The following FCHSD2 variants were observed in gnomAD, a reference collection of about 807,000 sequenced individuals.
The protein encoded by FCHSD2 is FCH and double SH3 domains 2.
In FCHSD2, 38 loss-of-function variants were observed where a neutral mutation model predicts 108.1. The ratio of observed to expected loss-of-function variants is 0.35; its 90% CI spans 0.27 to 0.46. The LOEUF (loss-of-function observed/expected upper bound fraction) is 0.46. Among genes scored for constraint, FCHSD2 ranks in the 20% least tolerant of loss-of-function variants. The pLI is 1.00. For missense variants in FCHSD2, 751 were observed against 897.8 expected, an observed-to-expected ratio of 0.84 and a Z score of 2.09; for synonymous variants, 279 against 314.7, an observed-to-expected ratio of 0.89 and a Z score of 1.20.
intron 4 of FCHSD2, among the ~76,000 whole-genome samples, chr11:73,013,220 C>T (rs1857898712): frequency 6.6e-6 from 1 of 152,166 alleles, no homozygotes; most frequent in Non-Finnish European, 1.5e-5. Context: ...TCACAGCAAC[C>T]CTACTGAACT....
chr11:72,980,296 T>C lies in FCHSD2; in HGVS notation c.705+3792A>G, dbSNP rs593301. ...TAGGCCATCTAAGCAGTGTTGAAAC[T>C]GCTGCACTGGTTTCTCTATTAATTT... On this transcript the variant is annotated intron_variant, in intron 8 of 19. Coordinates refer to ENST00000409418, the MANE Select transcript of FCHSD2 (RefSeq NM_014824.3). Among the ~76,000 whole-genome samples the C allele has an allele frequency of 3.1e-3, 477 of 152,308 alleles. 1 individual carries two copies. The highest frequency in any genetic ancestry group is 0.011 in the African/African-American group (456 of 41,564).
chr11:73,021,436 C>A (rs1858102354), intron 3 of FCHSD2, among the ~76,000 whole-genome samples: 2 of 152,052 alleles, frequency 1.3e-5, no homozygotes, highest in Admixed American at 6.6e-5. Context: ...AGGCTATTAA[C>A]CTTAGCAAAC....
chr11:73,056,532 T>G (rs1250195362), intron 3 of FCHSD2, among the ~76,000 whole-genome samples: 1 of 152,220 alleles, frequency 6.6e-6, no homozygotes, highest in African/African-American at 2.4e-5. Flanking sequence ...TGAATCAATT[T>G]AATCTTTCAA....
intron 3 of FCHSD2, among the ~76,000 whole-genome samples, chr11:73,024,226 T>C (rs1458313887): frequency 1.3e-5 from 2 of 152,166 alleles, no homozygotes; most frequent in Non-Finnish European, 2.9e-5. Flanking sequence ...ACAAATCCAA[T>C]TGTATTACAA....
chr11:73,072,920 A>T (rs1859468753), intron 3 of FCHSD2, among the ~76,000 whole-genome samples: 1 of 152,202 alleles, frequency 6.6e-6, no homozygotes, highest in Non-Finnish European at 1.5e-5. Context: ...TTTTAGGTGC[A>T]ACAGTATAAA....
chr11:73,094,889 C>T (rs983060716), intron 2 of FCHSD2, among the ~76,000 whole-genome samples: 2 of 152,022 alleles, frequency 1.3e-5, no homozygotes, highest in East Asian at 1.9e-4. Flanking sequence ...GCAAGCGGAA[C>T]GAACAACTGA....
At chr11:73,001,170 G>C in intron 4 of FCHSD2, 36 bp from the exon 5 acceptor site, 1 of 1,600,640 alleles carries the variant, frequency 6.2e-7, no homozygotes, top group Non-Finnish European at 8.5e-7. Context: ...CATTAGGCAG[G>C]GAACAGGAAG....
At chr11:72,954,128 T>C (rs1856667031) in intron 8 of FCHSD2, among the ~76,000 whole-genome samples, 1 of 151,906 alleles carries the variant, frequency 6.6e-6, no homozygotes, top group South Asian at 2.1e-4. Context: ...TAGAAGAATC[T>C]TGCTAAAGTA....
intron 4 of FCHSD2, among the ~76,000 whole-genome samples, chr11:73,006,450 A>G (rs938429130): frequency 2.0e-5 from 3 of 152,186 alleles, no homozygotes; most frequent in Admixed American, 6.5e-5. Context: ...TCATTTGTCT[A>G]TCATATCTGC....
chr11:72,865,266 C>T (rs949398361), intron 13 of FCHSD2, among the ~76,000 whole-genome samples: 18 of 152,112 alleles, frequency 1.2e-4, no homozygotes, highest in Admixed American at 6.5e-4. Flanking sequence ...AGATACAACC[C>T]CCTCTAAATA....
intron 2 of FCHSD2, among the ~76,000 whole-genome samples, chr11:73,114,412 T>C (rs890753338): frequency 2.6e-5 from 4 of 152,074 alleles, no homozygotes; most frequent in Non-Finnish European, 4.4e-5. Flanking sequence ...AAGAGCCTGC[T>C]TGGTGCTCTA....
chr11:73,134,682 T>C (rs1459138170), intron 2 of FCHSD2, among the ~76,000 whole-genome samples: 1 of 152,248 alleles, frequency 6.6e-6, no homozygotes, highest in African/African-American at 2.4e-5. Flanking sequence ...ATATTCAGCC[T>C]TCTCTGGGAT....
intron 10 of FCHSD2, among the ~76,000 whole-genome samples, chr11:72,890,814 GCTATTAAACACAAAA>G (rs1855298609): frequency 6.6e-6 from 1 of 151,800 alleles, no homozygotes; most frequent in African/African-American, 2.4e-5. Flanking sequence ...CAGAATCAGA[GCTATTAAACACAAAA>G]CTATTTTAAT....
chr11:73,027,211 A>C (rs989195045), intron 3 of FCHSD2, among the ~76,000 whole-genome samples: 2 of 152,138 alleles, frequency 1.3e-5, no homozygotes, highest in African/African-American at 4.8e-5. Context: ...TTTGACCAAA[A>C]CCATTGATCA....
intron 19 of FCHSD2, among the ~76,000 whole-genome samples, chr11:72,839,482 G>T (rs1034606217): frequency 2.0e-5 from 3 of 152,198 alleles, no homozygotes; most frequent in Non-Finnish European, 4.4e-5. Context: ...TCCTCTGAAT[G>T]AGAGTTGACA....
intron 9 of FCHSD2, among the ~76,000 whole-genome samples, chr11:72,905,633 C>G (rs981875750): frequency 2.0e-5 from 3 of 152,050 alleles, no homozygotes; most frequent in African/African-American, 7.2e-5. Flanking sequence ...GTTCCCTACC[C>G]TGTGTCCATG....
At position 73,122,149 on chromosome 11, in the gene FCHSD2, T is replaced by G. The variant is rs572489305; in HGVS notation, c.119+17882A>C. On this transcript the variant is annotated intron_variant, in intron 2 of 19. Coordinates refer to ENST00000409418, the MANE Select transcript of FCHSD2 (RefSeq NM_014824.3). Reference sequence around the variant, plus strand: ...TTTAGGTTTTCTTTAATACCAGAGTTTTTTGTTGTTGTTGCTAACTTAAAA... The same window carrying G: ...TTTAGGTTTTCTTTAATACCAGAGTGTTTTGTTGTTGTTGCTAACTTAAAA... Among the ~76,000 whole-genome samples, 41 of 152,258 alleles carry G rather than the reference T, an allele frequency of 2.7e-4. No homozygotes were observed. In the South Asian group the frequency reaches 8.3e-3, roughly 31 times the overall value.
At chr11:72,996,950 CAG>C (rs1282132770) in intron 5 of FCHSD2, among the ~76,000 whole-genome samples, 1 of 152,116 alleles carries the variant, frequency 6.6e-6, no homozygotes, top group Non-Finnish European at 1.5e-5. Context: ...AGGACAGAAA[CAG>C]AAAGTGGCAT....
At chr11:72,869,441 GAA>G (rs759703052) in intron 12 of FCHSD2, 1 of 151,460 alleles carries the variant, frequency 6.6e-6, no homozygotes, top group Non-Finnish European at 1.5e-5. Flanking sequence ...GGGGAGGGAA[GAA>G]GAGAGAGAGA....
Sources: gnomAD v4.1 joint callset for allele counts (sites outside exome capture counted in the v4.1 genomes callset) on GRCh38, gnomAD v4.1.1 for gene constraint, MANE v1.5 for transcripts, NCBI Gene and HGNC (gene_info 2026-07-23, HGNC 2026-07-21) for gene names.